Variants in ADCY5 observed in about 807,000 individuals in gnomAD.
The protein encoded by ADCY5 is adenylate cyclase type 5.
A neutral mutation model predicts 119.7 loss-of-function variants in ADCY5; 30 were observed. The observed-to-expected ratio is 0.25, with a 90% CI of 0.19 to 0.34. The LOEUF is 0.34. Among genes scored for constraint, ADCY5 ranks in the 10% least tolerant of loss-of-function variants. The probability of loss-of-function intolerance (pLI) is 1.00; values close to 1 mark genes in which losing one functional copy is unlikely to be tolerated. For synonymous variants in ADCY5, 753 were observed against 762.2 expected (o/e 0.99, Z 0.20); for missense variants, 1,324 against 1,775.2 (o/e 0.75, Z 4.57).
chr3:123,437,867 C>T (rs1276545256), intron 1 of ADCY5, among the ~76,000 whole-genome samples: 2 of 152,208 alleles, frequency 1.3e-5, no homozygotes, highest in Non-Finnish European at 2.9e-5. Context: ...CGATGTCTAA[C>T]AACAGCAGAA....
chr3:123,373,758 G>GCGCCC (rs1943718479), intron 1 of ADCY5, among the ~76,000 whole-genome samples: 1 of 37,074 alleles, frequency 2.7e-5, no homozygotes, highest in African/African-American at 7.2e-5. Context: ...GAAGCATCAC[G>GCGCCC]CCCCCCCCCC....
Position 123,303,355 on chromosome 3 carries a change from G to A in ADCY5, c.2560-136C>T, listed in dbSNP as rs934630474. On this transcript the variant is annotated intron_variant, in intron 13 of 20. Coordinates refer to ENST00000462833, the MANE Select transcript of ADCY5 (RefSeq NM_183357.3). ...CATGACACTGATGGGGACAAAATCT[G>A]AAAGAGTCTGAGGAACGGGCAAAGT... 43 of 1,004,800 alleles carry A rather than the reference G, an allele frequency of 4.3e-5. No individual in the cohort carries two copies. The East Asian group carries it at 1.1e-3, about 26-fold the overall frequency. The allele number at this position is 1,004,800 out of a possible 1,614,324, so 62.2% of individuals were successfully genotyped here.
At chr3:123,335,412 T>C (rs1941972748) in intron 3 of ADCY5, among the ~76,000 whole-genome samples, 1 of 152,122 alleles carries the variant, frequency 6.6e-6, no homozygotes, top group African/African-American at 2.4e-5. Flanking sequence ...TATTTTAAGC[T>C]CACAGAAATA....
At chr3:123,404,167 C>G (rs568749443) in intron 1 of ADCY5, 1 of 152,404 alleles carries the variant, frequency 6.6e-6, no homozygotes, top group South Asian at 2.1e-4. Flanking sequence ...GAAGGCCACA[C>G]AGTCAGCACT....
intron 13 of ADCY5, among the ~76,000 whole-genome samples, chr3:123,303,833 AAAGAAAAGAG>A (rs779368515): frequency 0.028 from 3,195 of 114,984 alleles, 49 homozygotes; most frequent in African/African-American, 0.03. Flanking sequence ...TCAAAACTGG[AAAGAAAAGAG>A]AAGAGAAGAG....
At position 123,289,956 on chromosome 3, in the gene ADCY5, TG is replaced by T. The variant is rs752820855; in HGVS notation, c.3328-3del. On this transcript the variant is annotated splice_region_variant and splice_polypyrimidine_tract_variant and intron_variant, in intron 18 of 20. Coordinates refer to ENST00000462833, the MANE Select transcript of ADCY5 (RefSeq NM_183357.3). Reference sequence around the variant, plus strand: ...CCGGAACCGATCCTCGCTGATGATCTGGATGAAGGAGGCCAAACCTGGGTCA... The same window carrying T: ...CCGGAACCGATCCTCGCTGATGATCTGATGAAGGAGGCCAAACCTGGGTCA... The T allele has an allele frequency of 6.2e-7, 1 of 1,613,934 alleles. No homozygotes were observed. The highest frequency in any genetic ancestry group is 1.1e-5 in the South Asian group (1 of 91,024).
chr3:123,386,448 T>C (rs902693455), intron 1 of ADCY5, among the ~76,000 whole-genome samples: 1 of 152,230 alleles, frequency 6.6e-6, no homozygotes, highest in Non-Finnish European at 1.5e-5. Context: ...TGGAAGGAAC[T>C]GGGGTGCCCC....
At chr3:123,406,741 G>T (rs937110015) in intron 1 of ADCY5, among the ~76,000 whole-genome samples, 3 of 152,226 alleles carry the variant, frequency 2.0e-5, no homozygotes, top group African/African-American at 7.2e-5. Flanking sequence ...ACGCTTGGCC[G>T]ACCGGGGTTG....
intron 7 of ADCY5, 24 bp downstream of exon 7, chr3:123,327,594 C>G (rs373867374): frequency 1.9e-6 from 3 of 1,600,798 alleles, no homozygotes; most frequent in South Asian, 1.1e-5. Flanking sequence ...AGCCCCTCAG[C>G]CCCCCGGCCC....
intron 1 of ADCY5, among the ~76,000 whole-genome samples, chr3:123,425,339 G>A (rs554548789): frequency 2.0e-5 from 3 of 152,158 alleles, no homozygotes; most frequent in African/African-American, 4.8e-5. Context: ...AACAGCCCTC[G>A]CCAGATCCCT....
intron 3 of ADCY5, 132 bp downstream of exon 3, chr3:123,347,650 T>C (rs1414607587): frequency 1.7e-6 from 2 of 1,176,004 alleles, no homozygotes; most frequent in African/African-American, 1.5e-5. Context: ...GGGGCTGGCA[T>C]GCTCTAGATG....
intron 3 of ADCY5, among the ~76,000 whole-genome samples, chr3:123,339,375 G>A (rs1256121115): frequency 1.3e-5 from 2 of 152,166 alleles, no homozygotes; most frequent in Admixed American, 1.3e-4. Context: ...ACTGGGCTGA[G>A]GTCAGACACC....
intron 17 of ADCY5, among the ~76,000 whole-genome samples, chr3:123,294,596 G>T (rs953635863): frequency 4.6e-5 from 7 of 152,198 alleles, no homozygotes; most frequent in Non-Finnish European, 1.0e-4. Context: ...AGGTCCCAGA[G>T]TAACAAGTTC....
At chr3:123,442,207 G>A (rs112622002) in intron 1 of ADCY5, among the ~76,000 whole-genome samples, 144 of 152,242 alleles carry the variant, frequency 9.5e-4, no homozygotes, top group African/African-American at 3.3e-3. Context: ...CTACACTCCT[G>A]GGAAACACAT....
In ADCY5 at chr3:123,319,575, G is replaced by A. The variant is rs941004051; in HGVS notation, c.2256+99C>T. ...TGGGGAAACTGAGGCCACCCCTTCC[G>A]TGGTGCTGGGGGCATGAGGGAGCCC... is the stretch of plus-strand genomic sequence containing the variant. On this transcript the variant is annotated intron_variant, in intron 10 of 20. Coordinates refer to ENST00000462833, the MANE Select transcript of ADCY5 (RefSeq NM_183357.3). 57 of 1,447,142 alleles carry A rather than the reference G, an allele frequency of 3.9e-5. No individual in the cohort carries two copies. In the South Asian group the frequency reaches 5.6e-4, roughly 14 times the overall value. 89.6% of individuals were successfully genotyped at this position (1,447,142 alleles called of 1,614,324 possible).
chr3:123,415,139 G>C (rs1344156585), intron 1 of ADCY5, among the ~76,000 whole-genome samples: 1 of 152,198 alleles, frequency 6.6e-6, no homozygotes, highest in Non-Finnish European at 1.5e-5. Flanking sequence ...GGTCTGATAG[G>C]AACTGTTTAT....
intron 1 of ADCY5, among the ~76,000 whole-genome samples, chr3:123,422,760 G>C (rs915144835): frequency 6.6e-6 from 1 of 152,164 alleles, no homozygotes; most frequent in African/African-American, 2.4e-5. Context: ...CAGCAGGCTT[G>C]GTCTCTCTTC....
At position 123,284,885 on chromosome 3, in the gene ADCY5, G is replaced by T. The variant is rs1292925552; in HGVS notation, c.3658-149C>A. 5 of 1,053,802 alleles carry T rather than the reference G, an allele frequency of 4.7e-6. No individual in the cohort carries two copies. In the Admixed American group the frequency reaches 6.5e-5, roughly 14 times the overall value. 65.3% of individuals were successfully genotyped at this position (1,053,802 alleles called of 1,614,324 possible). A position where few individuals can be genotyped will look rare whatever the true frequency, so the allele number is the denominator to read the frequency against. On this transcript the variant is annotated intron_variant, in intron 20 of 20. Transcript: ENST00000462833. Reference sequence around the variant, plus strand: ...GCTGCCCCACTGAGGTGCTCTCAGGGACTGACAGACAGCAGCTCACCATGG... The same window carrying T: ...GCTGCCCCACTGAGGTGCTCTCAGGTACTGACAGACAGCAGCTCACCATGG...
In ADCY5 at chr3:123,332,567, G is replaced by A. The variant is rs776573596; in HGVS notation, c.1515C>T (p.Ala505=). 3.6e-5 allele frequency: 58 copies of A among 1,610,792 alleles called. No homozygotes were observed. Among genetic ancestry groups the A allele is most frequent in the Middle Eastern group, 3.3e-4 (2 of 6,080 alleles). The change falls in exon 4 of 21, where the codon GCC becomes GCT. Residue 505 remains alanine, a synonymous_variant. Coordinates refer to ENST00000462833, the MANE Select transcript of ADCY5 (RefSeq NM_183357.3). ...CCCCCGGCTCAGGGTGACTCACTGCGGCCAGCTTGTCAAAGCGGGCGAAGA... is the reference window on the plus strand; with the variant it reads ...CCCCCGGCTCAGGGTGACTCACTGCAGCCAGCTTGTCAAAGCGGGCGAAGA... ...NELFARFDKL[A]AENHCLRIKI...
Sources: allele counts gnomAD v4.1 joint callset (sites outside exome capture counted in the v4.1 genomes callset), GRCh38; gene constraint gnomAD v4.1.1; transcripts MANE v1.5; gene names NCBI Gene and HGNC (gene_info 2026-07-23, HGNC 2026-07-21).